Variants in TMEM132B observed in about 807,000 individuals in gnomAD.
The protein encoded by TMEM132B is transmembrane protein 132B.
Under a neutral mutation model 90.8 loss-of-function variants are expected in TMEM132B, and 18 were observed. The ratio of observed to expected loss-of-function variants is 0.20; its 90% CI spans 0.14 to 0.29. TMEM132B has a LOEUF of 0.29. Ranked by LOEUF, TMEM132B falls within the 10% of genes least tolerant of loss-of-function variation. The probability of loss-of-function intolerance (pLI) is 1.00; values close to 1 mark genes in which losing one functional copy is unlikely to be tolerated. For synonymous variants in TMEM132B, 504 were observed against 523.3 expected (o/e 0.96, Z 0.50); for missense variants, 1,096 against 1,326.8 (o/e 0.83, Z 2.70).
intron 1 of TMEM132B, among the ~76,000 whole-genome samples, chr12:125,230,012 C>A (rs1041768139): frequency 2.0e-5 from 3 of 152,176 alleles, no homozygotes; most frequent in Admixed American, 2.0e-4. Flanking sequence ...GCTGGGGTGG[C>A]ACCAATCTCC....
At chr12:125,522,289 C>A (rs191567761) in intron 4 of TMEM132B, among the ~76,000 whole-genome samples, 28 of 152,286 alleles carry the variant, frequency 1.8e-4, no homozygotes, top group Admixed American at 1.6e-3. Flanking sequence ...CTGTCTCAGT[C>A]TAGGTCCAGC....
At chr12:125,640,795 A>G (rs1886610773) in intron 5 of TMEM132B, among the ~76,000 whole-genome samples, 3 of 152,122 alleles carry the variant, frequency 2.0e-5, no homozygotes, top group Non-Finnish European at 4.4e-5. Context: ...GACTTACTGC[A>G]TTGAAAGGAG....
At chr12:125,454,775 A>G (rs899052924) in intron 3 of TMEM132B, among the ~76,000 whole-genome samples, 1 of 152,204 alleles carries the variant, frequency 6.6e-6, no homozygotes, top group Non-Finnish European at 1.5e-5. Context: ...CTCTTTAACA[A>G]GTGGATATGA....
At chr12:125,236,481 A>G (rs1185364813) in intron 1 of TMEM132B, among the ~76,000 whole-genome samples, 1 of 152,120 alleles carries the variant, frequency 6.6e-6, no homozygotes, top group Non-Finnish European at 1.5e-5. Flanking sequence ...GTTTAACCCT[A>G]TTCCATTGTT....
At chr12:125,576,480 A>G (rs1175809661) in intron 4 of TMEM132B, among the ~76,000 whole-genome samples, 2 of 134,584 alleles carry the variant, frequency 1.5e-5, no homozygotes, top group East Asian at 2.5e-4. Flanking sequence ...CCCCGCCCCA[A>G]TTACCTTGGC....
chr12:125,355,955 G>A (rs550423020), intron 2 of TMEM132B, among the ~76,000 whole-genome samples: 22 of 152,184 alleles, frequency 1.4e-4, no homozygotes, highest in African/African-American at 5.3e-4. Flanking sequence ...CCCATGCCTT[G>A]AAAAAACCCT....
intron 4 of TMEM132B, among the ~76,000 whole-genome samples, chr12:125,524,059 C>A (rs1165065968): frequency 2.6e-5 from 4 of 152,158 alleles, no homozygotes; most frequent in Admixed American, 2.6e-4. Flanking sequence ...GAGGAGGAGA[C>A]CCGAAGTCAA....
At chr12:125,341,485 C>T (rs1266256110) in intron 1 of TMEM132B, among the ~76,000 whole-genome samples, 1 of 151,996 alleles carries the variant, frequency 6.6e-6, no homozygotes, top group East Asian at 1.9e-4. Context: ...TTTCCCTTTG[C>T]CCTTATTTTT....
intron 5 of TMEM132B, among the ~76,000 whole-genome samples, chr12:125,630,380 C>T (rs925492561): frequency 6.6e-6 from 1 of 151,886 alleles, no homozygotes; most frequent in Non-Finnish European, 1.5e-5. Context: ...TTAAATGTGT[C>T]TAGGAATTTG....
intron 3 of TMEM132B, among the ~76,000 whole-genome samples, chr12:125,467,015 C>T (rs892001909): frequency 2.7e-4 from 41 of 152,220 alleles, no homozygotes; most frequent in African/African-American, 8.9e-4. Flanking sequence ...TGTCCCTGCA[C>T]CCATCACAGC....
chr12:125,391,377 G>A (rs1879013961), intron 2 of TMEM132B, among the ~76,000 whole-genome samples: 1 of 152,198 alleles, frequency 6.6e-6, no homozygotes, highest in East Asian at 1.9e-4. Flanking sequence ...GGGCCTGTGG[G>A]TGTTAGTTGC....
intron 3 of TMEM132B, among the ~76,000 whole-genome samples, chr12:125,508,689 T>C (rs749584686): frequency 1.3e-5 from 2 of 152,066 alleles, no homozygotes; most frequent in Non-Finnish European, 2.9e-5. Flanking sequence ...TGCAGAGTAA[T>C]CCTGTGCAAC....
intron 6 of TMEM132B, among the ~76,000 whole-genome samples, chr12:125,647,425 T>C (rs1269955556): frequency 6.6e-6 from 1 of 152,198 alleles, no homozygotes; most frequent in African/African-American, 2.4e-5. Context: ...GTAATTAAAC[T>C]TCTGAAAATT....
chr12:125,642,693 A>G (rs1886661651), intron 5 of TMEM132B, among the ~76,000 whole-genome samples: 1 of 152,246 alleles, frequency 6.6e-6, no homozygotes, highest in Non-Finnish European at 1.5e-5. Context: ...CAAAGTCTCA[A>G]TGATTTCAGC....
intron 4 of TMEM132B, among the ~76,000 whole-genome samples, chr12:125,583,337 G>T (rs545159391): frequency 1.7e-4 from 26 of 152,244 alleles, no homozygotes; most frequent in African/African-American, 6.0e-4. Flanking sequence ...GGGGAGGTGG[G>T]GTGTGGCAGT....
At chr12:125,462,672 T>C (rs1044153896) in intron 3 of TMEM132B, among the ~76,000 whole-genome samples, 1 of 151,970 alleles carries the variant, frequency 6.6e-6, no homozygotes. Flanking sequence ...GAACTCGGAG[T>C]AGATGTTGAC....
At chr12:125,267,328 C>A (rs1565987511) in intron 1 of TMEM132B, among the ~76,000 whole-genome samples, 1 of 152,122 alleles carries the variant, frequency 6.6e-6, no homozygotes, top group East Asian at 1.9e-4. Context: ...TGCAGGGCCG[C>A]GAATTTCCTT....
chr12:125,414,413 A>T (rs1321042510), intron 2 of TMEM132B, among the ~76,000 whole-genome samples: 6 of 151,896 alleles, frequency 4.0e-5, no homozygotes, highest in Non-Finnish European at 7.4e-5. Context: ...TGGTGCTGGG[A>T]TGTCTGGCAT....
Position 125,350,195 on chromosome 12 carries a change from C to G in TMEM132B, c.811C>G (p.Pro271Ala), listed in dbSNP as rs747981993. Residue 271 changes from proline (P) to alanine (A), a missense_variant, in exon 2 of 9, where the codon CCA (proline) becomes GCA (alanine). Coordinates refer to ENST00000682704, the MANE Select transcript of TMEM132B (RefSeq NM_001366854.1). ...RERIGSVVVYPTQDDLKWSLV... is the reference protein window; with the variant it reads ...RERIGSVVVYATQDDLKWSLV... Reference sequence around the variant, plus strand: ...GAGGATTGGGAGTGTGGTGGTCTACCCAACCCAAGATGATCTGAAGTGGTC... The same window carrying G: ...GAGGATTGGGAGTGTGGTGGTCTACGCAACCCAAGATGATCTGAAGTGGTC... 6.2e-7 allele frequency: 1 copy of G among 1,614,148 alleles called. No individual in the cohort carries two copies. Among genetic ancestry groups the G allele is most frequent in the South Asian group, 1.1e-5 (1 of 91,068 alleles).
Sources: gnomAD v4.1 joint callset for allele counts (sites outside exome capture counted in the v4.1 genomes callset) on GRCh38, gnomAD v4.1.1 for gene constraint, MANE v1.5 for transcripts, NCBI Gene and HGNC (gene_info 2026-07-23, HGNC 2026-07-21) for gene names.